The following SEMA5A variants were observed in gnomAD, a reference collection of about 807,000 sequenced individuals.
SEMA5A encodes semaphorin-5A.
In SEMA5A, 55 loss-of-function variants were observed where a neutral mutation model predicts 135.5. That is an observed-to-expected ratio of 0.41 (90% confidence interval 0.33 to 0.51). SEMA5A has a LOEUF of 0.51. Ranked by LOEUF, SEMA5A falls within the 20% of genes least tolerant of loss-of-function variation. SEMA5A has a pLI of 0.37. For missense variants in SEMA5A, 1,290 were observed against 1,419.9 expected (o/e 0.91, Z 1.47); for synonymous variants, 580 against 546.5 (o/e 1.06, Z -0.85).
intron 11 of SEMA5A, among the ~76,000 whole-genome samples, chr5:9,160,233 TTGTC>T (rs898435443): frequency 5.3e-5 from 8 of 152,128 alleles, no homozygotes; most frequent in Non-Finnish European, 1.2e-4. Flanking sequence ...TTGGAAGACT[TTGTC>T]TGTCATCCAT....
chr5:9,325,470 A>G (rs1752829584), intron 4 of SEMA5A, among the ~76,000 whole-genome samples: 1 of 151,972 alleles, frequency 6.6e-6, no homozygotes, highest in South Asian at 2.1e-4. Context: ...TCTTCACCAA[A>G]GTTTCTTGCT....
chr5:9,105,638 C>T (rs1465478001), intron 16 of SEMA5A, among the ~76,000 whole-genome samples: 1 of 152,046 alleles, frequency 6.6e-6, no homozygotes, highest in Non-Finnish European at 1.5e-5. Flanking sequence ...CGGATGGCAC[C>T]CTCCTTGATA....
chr5:9,118,983 A>C lies in SEMA5A; in HGVS notation c.1925+15T>G. 1 of 1,609,338 alleles carries C rather than the reference A, an allele frequency of 6.2e-7. No homozygotes were observed. ...GCGTGAGGCTGGCGGTGCTGGCAGC[A>C]GGGTGGGCACGTACCTTTCCTCGCG... is the stretch of plus-strand genomic sequence containing the variant. On this transcript the variant is annotated intron_variant, in intron 15 of 22. Coordinates refer to ENST00000382496, the MANE Select transcript of SEMA5A (RefSeq NM_003966.3).
At chr5:9,126,150 G>A (rs1741099568) in intron 13 of SEMA5A, among the ~76,000 whole-genome samples, 1 of 152,100 alleles carries the variant, frequency 6.6e-6, no homozygotes, top group South Asian at 2.1e-4. Context: ...TTTGCAGTGT[G>A]GGCCCAGTTA....
Position 9,224,907 on chromosome 5 carries a change from G to C in SEMA5A, c.433-20C>G. On this transcript the variant is annotated intron_variant, in intron 7 of 22. Coordinates refer to ENST00000382496, the MANE Select transcript of SEMA5A (RefSeq NM_003966.3). ...GCTCAACTGTGGGGGAGGATGAGAG[G>C]GAAAGCAGTTATCTCTGCACAAGCC... The C allele has an allele frequency of 1.9e-6, 3 of 1,600,420 alleles. No homozygotes were observed. The highest frequency in any genetic ancestry group is 2.6e-6 in the Non-Finnish European group (3 of 1,170,226).
chr5:9,229,743 AG>A (rs2150430360), intron 6 of SEMA5A, among the ~76,000 whole-genome samples: 1 of 151,876 alleles, frequency 6.6e-6, no homozygotes, highest in South Asian at 2.1e-4. Context: ...AAAAAAAAAA[AG>A]CAAGAGCTTG....
chr5:9,076,515 A>C (rs991228491), intron 16 of SEMA5A, among the ~76,000 whole-genome samples: 9 of 152,200 alleles, frequency 5.9e-5, no homozygotes, highest in Non-Finnish European at 1.3e-4. Flanking sequence ...AACTATAATT[A>C]AGCAGAAATG....
intron 5 of SEMA5A, among the ~76,000 whole-genome samples, chr5:9,246,555 A>G (rs1325759543): frequency 6.6e-6 from 1 of 152,226 alleles, no homozygotes; most frequent in African/African-American, 2.4e-5. Context: ...CAAGCAAATT[A>G]GAATTAGATG....
At chr5:9,181,293 C>T (rs1435209701) in intron 11 of SEMA5A, among the ~76,000 whole-genome samples, 1 of 152,192 alleles carries the variant, frequency 6.6e-6, no homozygotes, top group Non-Finnish European at 1.5e-5. Context: ...CATAGGTTCA[C>T]AGGATCTAAC....
At chr5:9,338,825 G>A (rs988447479) in intron 3 of SEMA5A, among the ~76,000 whole-genome samples, 2 of 152,102 alleles carry the variant, frequency 1.3e-5, no homozygotes, top group Non-Finnish European at 2.9e-5. Context: ...TTTAATGGGG[G>A]CATATGGAAA....
intron 16 of SEMA5A, among the ~76,000 whole-genome samples, chr5:9,067,410 A>T (rs1179902398): frequency 3.9e-5 from 6 of 152,190 alleles, no homozygotes; most frequent in Non-Finnish European, 4.4e-5. Context: ...CAGGAGGGAT[A>T]CAGGAGTTGA....
intron 2 of SEMA5A, among the ~76,000 whole-genome samples, chr5:9,411,606 G>A (rs1757110209): frequency 6.6e-6 from 1 of 152,124 alleles, no homozygotes; most frequent in African/African-American, 2.4e-5. Flanking sequence ...GAACTCAGCT[G>A]TGCTCATGAG....
chr5:9,146,578 C>T (rs547640040), intron 12 of SEMA5A, among the ~76,000 whole-genome samples: 188 of 152,196 alleles, frequency 1.2e-3, no homozygotes, highest in Middle Eastern at 3.4e-3. Context: ...TAGTGTATTC[C>T]GGGATCAGAC....
chr5:9,237,297 T>C (rs1267828003), intron 6 of SEMA5A, among the ~76,000 whole-genome samples: 1 of 152,174 alleles, frequency 6.6e-6, no homozygotes, highest in Non-Finnish European at 1.5e-5. Flanking sequence ...GCCTGCAACA[T>C]GTACAATTGC....
intron 3 of SEMA5A, among the ~76,000 whole-genome samples, chr5:9,376,493 C>T (rs1755368828): frequency 6.6e-6 from 1 of 152,194 alleles, no homozygotes; most frequent in Non-Finnish European, 1.5e-5. Flanking sequence ...AGGATGTGGG[C>T]TTAGAGCCCC....
chr5:9,142,953 G>GACAA (rs138971316), intron 12 of SEMA5A, among the ~76,000 whole-genome samples: 2 of 151,672 alleles, frequency 1.3e-5, no homozygotes, highest in African/African-American at 4.8e-5. Context: ...ATCCATCTCA[G>GACAA]ACAAACAAAC....
At chr5:9,108,837 T>C (rs960872525) in intron 15 of SEMA5A, among the ~76,000 whole-genome samples, 4 of 152,110 alleles carry the variant, frequency 2.6e-5, no homozygotes, top group Non-Finnish European at 5.9e-5. Context: ...ATTTGTAGGC[T>C]CTCAGAAGAA....
At position 9,035,823 on chromosome 5, in the gene SEMA5A, G is replaced by C. The variant is rs895277525; in HGVS notation, c.*7074C>G. On this transcript the variant is annotated 3_prime_UTR_variant, in exon 23 of 23. Transcript: ENST00000382496. ...AGATCCATTTTCTCATTCAAACAAA[G>C]GGGAAATGTAAAGCTATCTCATTGT... is the stretch of plus-strand genomic sequence containing the variant. 9 of 151,956 alleles carry C rather than the reference G, an allele frequency of 5.9e-5. No individual in the cohort carries two copies. The highest frequency in any genetic ancestry group is 1.2e-4 in the Non-Finnish European group (8 of 68,010). The allele number at this position is 151,956 out of a possible 1,614,324, so 9.4% of individuals were successfully genotyped here. A position where few individuals can be genotyped will look rare whatever the true frequency, so the allele number is the denominator to read the frequency against.
At chr5:9,342,035 A>G (rs1220128707) in intron 3 of SEMA5A, among the ~76,000 whole-genome samples, 1 of 152,116 alleles carries the variant, frequency 6.6e-6, no homozygotes, top group Non-Finnish European at 1.5e-5. Flanking sequence ...TACTTGACAA[A>G]TATAACTAGA....
Sources: gnomAD v4.1 joint callset for allele counts (sites outside exome capture counted in the v4.1 genomes callset) on GRCh38, gnomAD v4.1.1 for gene constraint, MANE v1.5 for transcripts, NCBI Gene and HGNC (gene_info 2026-07-23, HGNC 2026-07-21) for gene names.